Variants in KCNQ5 observed in about 807,000 individuals in gnomAD.
KCNQ5 encodes the protein potassium voltage-gated channel subfamily Q member 5, also known as potassium voltage-gated channel subfamily KQT member 5.
In KCNQ5, 30 loss-of-function variants were observed where a neutral mutation model predicts 98.2. That is an observed-to-expected ratio of 0.31 (90% CI 0.23 to 0.41). The LOEUF is 0.41. Ranked by LOEUF, KCNQ5 falls within the 10% of genes least tolerant of loss-of-function variation. The pLI is 1.00. For missense variants in KCNQ5, 835 were observed against 1,182.5 expected (o/e 0.71, Z 4.31); for synonymous variants, 458 against 449.4 (o/e 1.02, Z -0.24).
chr6:72,851,277 T>A (rs1300812275), intron 1 of KCNQ5, among the ~76,000 whole-genome samples: 1 of 152,146 alleles, frequency 6.6e-6, no homozygotes, highest in South Asian at 2.1e-4. Flanking sequence ...TCAACATACA[T>A]CTGAAATTAT....
chr6:72,846,102 G>C (rs1334533948), intron 1 of KCNQ5, among the ~76,000 whole-genome samples: 1 of 152,146 alleles, frequency 6.6e-6, no homozygotes, highest in Non-Finnish European at 1.5e-5. Flanking sequence ...CGATTGTTAA[G>C]TGTCCCAAGA....
intron 10 of KCNQ5, among the ~76,000 whole-genome samples, chr6:73,164,974 C>T (rs1014686531): frequency 1.3e-5 from 2 of 151,740 alleles, no homozygotes; most frequent in Non-Finnish European, 2.9e-5. Flanking sequence ...GAATTCTGTA[C>T]TGGGAATCTT....
chr6:73,036,497 C>A (rs1244464083), intron 2 of KCNQ5, among the ~76,000 whole-genome samples: 1 of 152,052 alleles, frequency 6.6e-6, no homozygotes, highest in African/African-American at 2.4e-5. Flanking sequence ...ACTTGCACAC[C>A]CCTTCCCTTC....
intron 1 of KCNQ5, among the ~76,000 whole-genome samples, chr6:72,963,645 C>A (rs1354618698): frequency 6.6e-6 from 1 of 151,542 alleles, no homozygotes; most frequent in Non-Finnish European, 1.5e-5. Context: ...CTATTAATCA[C>A]AGCTTTTATT....
chr6:72,746,139 C>G (rs75503070), intron 1 of KCNQ5, among the ~76,000 whole-genome samples: 4,588 of 142,028 alleles, frequency 0.032, 248 homozygotes, highest in African/African-American at 0.11. Context: ...TTTAGGACTT[C>G]AACATTTCTT....
At chr6:72,882,437 C>A (rs533022203) in intron 1 of KCNQ5, among the ~76,000 whole-genome samples, 54 of 152,142 alleles carry the variant, frequency 3.5e-4, no homozygotes, top group African/African-American at 1.2e-3. Context: ...TGAACTTGCA[C>A]AAGCAAATCT....
In KCNQ5 at chr6:73,194,517, C is replaced by T. The variant is rs908006159; in HGVS notation, c.1902C>T (p.Gly634=). Residue 634 remains glycine, a synonymous_variant, in exon 14 of 14, where the codon GGC becomes GGT. Transcript: ENST00000370398. ...TCTATCAACAGGTCCTTCGGAAAGGCTCTGCCTCAGCCCTCGCTTTGGCTT... is the reference window on the plus strand; with the variant it reads ...TCTATCAACAGGTCCTTCGGAAAGGTTCTGCCTCAGCCCTCGCTTTGGCTT... ...LDIYQQVLRK[G]SASALALASF... is the part of the protein sequence containing the mutation. 6.2e-7 allele frequency: 1 copy of T among 1,614,100 alleles called. No homozygotes were observed. The highest frequency in any genetic ancestry group is 1.3e-5 in the African/African-American group (1 of 74,928).
intron 10 of KCNQ5, among the ~76,000 whole-genome samples, chr6:73,165,891 G>C (rs1777775158): frequency 6.6e-6 from 1 of 151,876 alleles, no homozygotes. Context: ...GTTGCAGTGA[G>C]CCGAGATTGT....
intron 1 of KCNQ5, among the ~76,000 whole-genome samples, chr6:72,830,984 C>T (rs578220062): frequency 1.3e-3 from 192 of 152,266 alleles, no homozygotes; most frequent in African/African-American, 4.4e-3. Flanking sequence ...GAAAAAAATG[C>T]TTATCATCAC....
At chr6:72,647,025 G>T (rs1055216791) in intron 1 of KCNQ5, among the ~76,000 whole-genome samples, 2 of 152,168 alleles carry the variant, frequency 1.3e-5, no homozygotes, top group East Asian at 3.9e-4. Context: ...ATCACGTCTT[G>T]TAAATCTGGG....
chr6:72,797,702 A>G (rs1237557376), intron 1 of KCNQ5, among the ~76,000 whole-genome samples: 1 of 152,148 alleles, frequency 6.6e-6, no homozygotes, highest in African/African-American at 2.4e-5. Flanking sequence ...TTGGATTTTT[A>G]TAGAATAGTG....
At chr6:72,906,890 TG>T (rs1779720365) in intron 1 of KCNQ5, among the ~76,000 whole-genome samples, 1 of 152,230 alleles carries the variant, frequency 6.6e-6, no homozygotes, top group Non-Finnish European at 1.5e-5. Context: ...CCATCAGAGT[TG>T]GGGCTGCAGT....
rs1770657640 is a variant in KCNQ5, at chr6:73,022,638, C to CTTGAGTGCCCACTAGTTCTAAG, written c.489+18643_489+18664dup. Among the ~76,000 whole-genome samples, 3 of 152,094 alleles carry CTTGAGTGCCCACTAGTTCTAAG rather than the reference C, an allele frequency of 2.0e-5. No individual in the cohort carries two copies. In the South Asian group the frequency reaches 6.2e-4, roughly 32 times the overall value. On this transcript the variant is annotated intron_variant, in intron 2 of 13. Coordinates refer to ENST00000370398, the MANE Select transcript of KCNQ5 (RefSeq NM_019842.4). ...AAAAAAATGCATTAACCAAGCATTTCTTGAGTGCCCACTAGTTCTAAGTTA... is the reference window on the plus strand; with the variant it reads ...AAAAAAATGCATTAACCAAGCATTTCTTGAGTGCCCACTAGTTCTAAGTTGAGTGCCCACTAGTTCTAAGTTA...
intron 2 of KCNQ5, among the ~76,000 whole-genome samples, chr6:73,035,468 A>C (rs1467961759): frequency 6.6e-6 from 1 of 152,196 alleles, no homozygotes; most frequent in African/African-American, 2.4e-5. Context: ...CGAGCATTTT[A>C]TTTCAACTAA....
rs892324177 is a variant in KCNQ5 at position 72,897,415 on chromosome 6, G to A, written c.399-106493G>A. ...AAATTAGCCGGGCATGGTGGCACAC[G>A]CTTGTAATCCCAGCTTCTTGGGAGG... On this transcript the variant is annotated intron_variant, in intron 1 of 13. Coordinates refer to ENST00000370398, the MANE Select transcript of KCNQ5 (RefSeq NM_019842.4). Among the ~76,000 whole-genome samples, 9 of 152,016 alleles carry A rather than the reference G, an allele frequency of 5.9e-5. No homozygotes were observed. The South Asian group carries it at 1.0e-3, about 18-fold the overall frequency.
intron 2 of KCNQ5, among the ~76,000 whole-genome samples, chr6:73,006,789 A>G (rs189042160): frequency 5.7e-4 from 87 of 152,300 alleles, no homozygotes; most frequent in African/African-American, 2.0e-3. Context: ...ATCCTATATC[A>G]AGATTGTGTA....
At chr6:73,097,066 T>C (rs1774535396) in intron 5 of KCNQ5, among the ~76,000 whole-genome samples, 1 of 150,990 alleles carries the variant, frequency 6.6e-6, no homozygotes, top group African/African-American at 2.4e-5. Context: ...TAAGAGAATT[T>C]GAAATTTAGT....
intron 1 of KCNQ5, among the ~76,000 whole-genome samples, chr6:72,861,654 G>A (rs1777767090): frequency 6.6e-6 from 1 of 152,068 alleles, no homozygotes; most frequent in African/African-American, 2.4e-5. Flanking sequence ...TTAAGCTTTA[G>A]GGCCTCTCAC....
intron 2 of KCNQ5, among the ~76,000 whole-genome samples, chr6:73,018,649 G>A (rs911812711): frequency 1.3e-5 from 2 of 152,004 alleles, no homozygotes; most frequent in Non-Finnish European, 2.9e-5. Context: ...AGTCCCCATC[G>A]CTGTCTGTGA....
Sources: allele counts gnomAD v4.1 joint callset (sites outside exome capture counted in the v4.1 genomes callset), GRCh38; gene constraint gnomAD v4.1.1; transcripts MANE v1.5; gene names NCBI Gene and HGNC (gene_info 2026-07-23, HGNC 2026-07-21).